SLC39A10: variants seen among roughly 807,000 people sequenced by gnomAD.
SLC39A10 encodes the protein zinc transporter ZIP10.
In SLC39A10, 13 loss-of-function variants were observed where a neutral mutation model predicts 65.1. The observed-to-expected ratio is 0.20, with a 90% confidence interval of 0.13 to 0.32. SLC39A10 has a LOEUF of 0.32. Among genes scored for constraint, SLC39A10 ranks in the 10% least tolerant of loss-of-function variants. SLC39A10 has a pLI of 1.00. For missense variants in SLC39A10, 831 were observed against 1,018.4 expected (o/e 0.82, Z 2.50); for synonymous variants, 321 against 342.2 (o/e 0.94, Z 0.68).
At chr2:195,646,285 C>T (rs927355843) in intron 2 of SLC39A10, among the ~76,000 whole-genome samples, 1 of 152,078 alleles carries the variant, frequency 6.6e-6, no homozygotes, top group African/African-American at 2.4e-5. Flanking sequence ...TAAGCGTACC[C>T]TGATGTGCCC....
intron 3 of SLC39A10, among the ~76,000 whole-genome samples, chr2:195,684,882 A>G (rs1574269039): frequency 6.6e-6 from 1 of 152,264 alleles, no homozygotes; most frequent in East Asian, 1.9e-4. Context: ...GATAGCTAAC[A>G]TTTTGTTAAT....
intron 1 of SLC39A10, among the ~76,000 whole-genome samples, chr2:195,662,347 C>T (rs150150249): frequency 6.6e-6 from 1 of 151,618 alleles, no homozygotes; most frequent in East Asian, 1.9e-4. Flanking sequence ...GGGCTCACTG[C>T]AGCCCTGACC....
rs199708877 is a variant in SLC39A10 at position 195,683,683 on chromosome 2, A to G, written c.1009-16A>G. On this transcript the variant is annotated splice_polypyrimidine_tract_variant and intron_variant, in intron 2 of 9. Transcript: ENST00000359634. The stretch of plus-strand genomic sequence containing the variant: ...AAGACACTCTTATTTAATTTGTTTT[A>G]TCACTTTCCTTGCAGTGTTTGAACG... 3 of 1,600,132 alleles carry G rather than the reference A, an allele frequency of 1.9e-6. No individual in the cohort carries two copies. The Admixed American group carries it at 5.0e-5, about 27-fold the overall frequency.
intron 3 of SLC39A10, among the ~76,000 whole-genome samples, chr2:195,704,796 G>GT (rs144905580): frequency 9.9e-5 from 15 of 151,504 alleles, no homozygotes; most frequent in African/African-American, 2.2e-4. Flanking sequence ...TTTTGTTGTT[G>GT]TTGTTTGTTT....
At chr2:195,629,815 T>C (rs2105695568) in intron 2 of SLC39A10, among the ~76,000 whole-genome samples, 1 of 152,290 alleles carries the variant, frequency 6.6e-6, no homozygotes, top group South Asian at 2.1e-4. Flanking sequence ...AATGTAGCCT[T>C]GAACTCCTGG....
At chr2:195,674,035 T>C (rs1689980794) in intron 1 of SLC39A10, among the ~76,000 whole-genome samples, 1 of 152,186 alleles carries the variant, frequency 6.6e-6, no homozygotes. Context: ...TACATGAATA[T>C]ATACCCCCAA....
chr2:195,726,709 A>G (rs1692252781), intron 8 of SLC39A10, among the ~76,000 whole-genome samples: 1 of 152,172 alleles, frequency 6.6e-6, no homozygotes, highest in African/African-American at 2.4e-5. Flanking sequence ...GTAGAAATAA[A>G]CCTTGCAGTA....
At chr2:195,624,950 C>T (rs1243266062) in intron 2 of SLC39A10, among the ~76,000 whole-genome samples, 2 of 149,022 alleles carry the variant, frequency 1.3e-5, no homozygotes, top group Admixed American at 6.8e-5. Context: ...CAGTGACTCA[C>T]GCCTGTAATC....
chr2:195,695,602 C>G (rs954151413), intron 3 of SLC39A10, among the ~76,000 whole-genome samples: 2 of 152,178 alleles, frequency 1.3e-5, no homozygotes, highest in African/African-American at 4.8e-5. Context: ...CAATCCAGTT[C>G]CTCCAAAGGT....
At chr2:195,687,939 G>A (rs1427583828) in intron 3 of SLC39A10, among the ~76,000 whole-genome samples, 1 of 152,134 alleles carries the variant, frequency 6.6e-6, no homozygotes, top group Non-Finnish European at 1.5e-5. Flanking sequence ...CTGCCATCTT[G>A]CACATGCTTT....
At chr2:195,651,365 G>A (rs899018010) in intron 2 of SLC39A10, among the ~76,000 whole-genome samples, 2 of 152,208 alleles carry the variant, frequency 1.3e-5, no homozygotes, top group Admixed American at 1.3e-4. Context: ...CAGTTTTAGA[G>A]CTGGAGCTTC....
intron 2 of SLC39A10, among the ~76,000 whole-genome samples, chr2:195,623,090 A>G (rs1397566756): frequency 6.6e-6 from 1 of 152,086 alleles, no homozygotes; most frequent in Non-Finnish European, 1.5e-5. Flanking sequence ...CCAAGCAATG[A>G]TTACCTAGGC....
chr2:195,623,131 A>C (rs1199910053), intron 2 of SLC39A10, among the ~76,000 whole-genome samples: 1 of 152,166 alleles, frequency 6.6e-6, no homozygotes, highest in Non-Finnish European at 1.5e-5. Context: ...AGTATGATTG[A>C]AAGGGGTATG....
At chr2:195,615,955 G>C (rs1381669378) in intron 2 of SLC39A10, among the ~76,000 whole-genome samples, 1 of 152,112 alleles carries the variant, frequency 6.6e-6, no homozygotes, top group Non-Finnish European at 1.5e-5. Context: ...GGCAGAGATT[G>C]TCTCACCTCT....
intron 2 of SLC39A10, among the ~76,000 whole-genome samples, chr2:195,632,850 G>A (rs1688617376): frequency 1.3e-5 from 2 of 152,138 alleles, no homozygotes; most frequent in Admixed American, 1.3e-4. Context: ...TAATGTTTGA[G>A]TTTAAAACAT....
intron 2 of SLC39A10, among the ~76,000 whole-genome samples, chr2:195,623,901 CCA>C (rs67959883): frequency 0.2 from 28,477 of 142,666 alleles, 2,785 homozygotes; most frequent in East Asian, 0.34. Flanking sequence ...AAACAAAAAA[CCA>C]CACACACACA....
intron 1 of SLC39A10, among the ~76,000 whole-genome samples, chr2:195,672,971 A>G (rs1689927604): frequency 6.6e-6 from 1 of 152,242 alleles, no homozygotes; most frequent in Middle Eastern, 3.4e-3. Context: ...ACGCCTTTTT[A>G]TCTTCATTAG....
At chr2:195,623,774 C>T (rs1688400297) in intron 2 of SLC39A10, among the ~76,000 whole-genome samples, 1 of 151,804 alleles carries the variant, frequency 6.6e-6, no homozygotes, top group Non-Finnish European at 1.5e-5. Context: ...GCTTTTTAAG[C>T]CTTTGAAAAT....
intron 2 of SLC39A10, among the ~76,000 whole-genome samples, chr2:195,627,293 C>T (rs1032457285): frequency 2.0e-5 from 3 of 152,132 alleles, no homozygotes; most frequent in African/African-American, 7.2e-5. Flanking sequence ...CCCAATGACT[C>T]ACATCTACCT....
Sources: allele counts gnomAD v4.1 joint callset (sites outside exome capture counted in the v4.1 genomes callset), GRCh38; gene constraint gnomAD v4.1.1; transcripts MANE v1.5; gene names NCBI Gene and HGNC (gene_info 2026-07-23, HGNC 2026-07-21).